The following SEH1L variants were observed in gnomAD, a reference collection of about 807,000 sequenced individuals.
SEH1L encodes the protein SEH1 like nucleoporin.
In SEH1L, 18 loss-of-function variants were observed where a neutral mutation model predicts 49.5. The ratio of observed to expected loss-of-function variants is 0.36; its 90% CI spans 0.25 to 0.54. The LOEUF is 0.54. SEH1L is among the 20% of genes least tolerant of loss of function. The probability of loss-of-function intolerance (pLI) is 0.87; values close to 1 mark genes in which losing one functional copy is unlikely to be tolerated. For missense variants in SEH1L, 404 were observed against 528.8 expected (o/e 0.76, Z 2.31); for synonymous variants, 169 against 178.1 (o/e 0.95, Z 0.41).
At chr18:12,961,013 G>A (rs1202912240) in intron 3 of SEH1L, among the ~76,000 whole-genome samples, 1 of 152,192 alleles carries the variant, frequency 6.6e-6, no homozygotes, top group Non-Finnish European at 1.5e-5. Context: ...CAAATGCATG[G>A]TTTGATCTTG....
chr18:12,953,114 G>C (rs946128800), intron 2 of SEH1L, among the ~76,000 whole-genome samples: 1 of 152,172 alleles, frequency 6.6e-6, no homozygotes, highest in Non-Finnish European at 1.5e-5. Context: ...TCATAGAAAT[G>C]GAATTTTGAA....
rs766968508 is a variant in SEH1L, at chr18:12,986,964, C to T, written c.1173C>T (p.Cys391=). ...PPPPPLVEHS[C]DADTANLQYP... ...CTCCTCCTCTGGTAGAGCACTCTTG[C>T]GATGCTGACACTGCCAACCTCCAGT... The change falls in exon 9 of 9, where the codon TGC becomes TGT. Residue 391 remains cysteine (C), a synonymous_variant. Coordinates refer to ENST00000399892, the MANE Select transcript of SEH1L (RefSeq NM_001013437.2). The T allele has an allele frequency of 4.1e-5, 66 of 1,613,898 alleles. No individual in the cohort carries two copies. Among genetic ancestry groups the T allele is most frequent in the Non-Finnish European group, 5.2e-5 (61 of 1,179,878 alleles).
Position 12,982,346 on chromosome 18 carries a change from A to C in SEH1L, c.762-172A>C, listed in dbSNP as rs540751016. ...AATGAAAATGACATTGGCCCAGCTC[A>C]AGGGCCAAGGTGTGGGGTTTGGGCA... On this transcript the variant is annotated intron_variant, in intron 6 of 8. Transcript: ENST00000399892. Among the ~76,000 whole-genome samples the C allele has an allele frequency of 2.0e-5, 3 of 152,146 alleles. No individual in the cohort carries two copies. The East Asian group carries it at 5.8e-4, about 29-fold the overall frequency.
intron 2 of SEH1L, 39 bp from the exon 3 acceptor site, chr18:12,955,424 G>C (rs202049745): frequency 1.4e-5 from 22 of 1,542,554 alleles, no homozygotes; most frequent in African/African-American, 3.2e-5. Context: ...CTGGGATAAT[G>C]AGTATCTGTT....
Position 12,986,856 on chromosome 18 carries a change from T to C in SEH1L, c.1071-6T>C, listed in dbSNP as rs1462969123. ...TGGTGTTTTGTTCCTGTCTTCATTG[T>C]TTCAGGTATTTCTTTACCCCTCTGG... is the stretch of plus-strand genomic sequence containing the variant. On this transcript the variant is annotated splice_region_variant and splice_polypyrimidine_tract_variant and intron_variant, in intron 8 of 8. Coordinates refer to ENST00000399892, the MANE Select transcript of SEH1L (RefSeq NM_001013437.2). The C allele has an allele frequency of 6.6e-7, 1 of 1,519,472 alleles. No homozygotes were observed. Among genetic ancestry groups the C allele is most frequent in the South Asian group, 1.3e-5 (1 of 78,644 alleles). The allele number at this position is 1,519,472 out of a possible 1,614,324, so 94.1% of individuals were successfully genotyped here.
intron 5 of SEH1L, chr18:12,971,462 G>A (rs547479094): frequency 7.1e-5 from 24 of 339,284 alleles, no homozygotes; most frequent in African/African-American, 3.0e-4. Flanking sequence ...GTGAAACCCC[G>A]TCTCTACTAA....
chr18:12,979,150 A>AG lies in SEH1L; in HGVS notation c.761+261dup, dbSNP rs1463315313. ...TGGCAGGGTCATAGGACAATAGTGGAGGGAAGGTCAGCAGATAAACAAGTG... is the reference window on the plus strand; with the variant it reads ...TGGCAGGGTCATAGGACAATAGTGGAGGGGAAGGTCAGCAGATAAACAAGTG... On this transcript the variant is annotated intron_variant, in intron 6 of 8. Coordinates refer to ENST00000399892, the MANE Select transcript of SEH1L (RefSeq NM_001013437.2). Among the ~76,000 whole-genome samples the AG allele has an allele frequency of 1.1e-4, 17 of 148,346 alleles. 1 individual carries two copies. Among genetic ancestry groups the AG allele is most frequent in the Non-Finnish European group, 2.1e-4 (14 of 67,376 alleles).
intron 4 of SEH1L, among the ~76,000 whole-genome samples, chr18:12,965,292 A>G (rs554661112): frequency 6.6e-5 from 10 of 152,300 alleles, no homozygotes; most frequent in South Asian, 2.1e-4. Context: ...GATTACAGGC[A>G]TGAGCCACCT....
Position 12,963,194 on chromosome 18 carries a change from C to G in SEH1L, c.344C>G (p.Ser115Cys). 1.2e-6 allele frequency: 2 copies of G among 1,613,596 alleles called. No individual in the cohort carries two copies. The highest frequency in any genetic ancestry group is 2.2e-5 in the South Asian group (2 of 91,056). The change falls in exon 4 of 9, where the codon TCT becomes TGT. Residue 115 changes from serine (S) to cysteine (C), a missense_variant. This residue lies in a region of SEH1L where 342 missense variants were observed against 430.8 expected (regional missense o/e 0.79). Coordinates refer to ENST00000399892, the MANE Select transcript of SEH1L (RefSeq NM_001013437.2). ...ACAACTCTGGTGGATAGCAGAACAT[C>G]TGTTACTGATGTGAAGTTTGCTCCC... Reference protein sequence around the residue: ...KRTTLVDSRTSVTDVKFAPKH... With the variant: ...KRTTLVDSRTCVTDVKFAPKH...
intron 6 of SEH1L, among the ~76,000 whole-genome samples, chr18:12,980,160 G>A (rs1287402476): frequency 5.4e-5 from 7 of 129,594 alleles, no homozygotes; most frequent in Admixed American, 4.4e-4. Context: ...AGGGGCGGCC[G>A]GGCAGAGGCA....
intron 1 of SEH1L, among the ~76,000 whole-genome samples, chr18:12,951,290 C>T (rs8099508): frequency 0.026 from 3,994 of 152,280 alleles, 151 homozygotes; most frequent in African/African-American, 0.09. Flanking sequence ...TTTAAAATGG[C>T]CTCCAAGCGT....
At chr18:12,986,536 GAT>G (rs959643414) in intron 8 of SEH1L, 2 of 967,372 alleles carry the variant, frequency 2.1e-6, no homozygotes, top group Non-Finnish European at 2.5e-6. Context: ...GTTTCTGAGA[GAT>G]TAGAAAATGT....
At chr18:12,967,097 A>C (rs894555187) in intron 4 of SEH1L, among the ~76,000 whole-genome samples, 1 of 152,250 alleles carries the variant, frequency 6.6e-6, no homozygotes, top group East Asian at 1.9e-4. Flanking sequence ...GCTGAATTAC[A>C]GTCAATTATC....
At position 12,987,439 on chromosome 18, in the gene SEH1L, A is replaced by G. The variant is rs372881524; in HGVS notation, c.*382A>G. The G allele has an allele frequency of 1.0e-4, 16 of 154,198 alleles. No homozygotes were observed. Among genetic ancestry groups the G allele is most frequent in the East Asian group, 3.7e-4 (2 of 5,416 alleles). 9.6% of individuals were successfully genotyped at this position (154,198 alleles called of 1,614,324 possible). A position where few individuals can be genotyped will look rare whatever the true frequency, so the allele number is the denominator to read the frequency against. ...AATATTATGAAGTTTATTCTGCCTT[A>G]TGAGACCTTAAAAAATGGATTTCAT... On this transcript the variant is annotated 3_prime_UTR_variant, in exon 9 of 9. Transcript: ENST00000399892.
At chr18:12,980,402 G>C (rs1199344449) in intron 6 of SEH1L, among the ~76,000 whole-genome samples, 1 of 95,566 alleles carries the variant, frequency 1.0e-5, no homozygotes, top group Admixed American at 9.1e-5. Flanking sequence ...CGGACGGGGC[G>C]GCTGGCCGGG....
Position 12,987,003 on chromosome 18 carries a change from C to A in SEH1L, c.1212C>A (p.Arg404=), listed in dbSNP as rs2032491355. Residue 404 remains arginine, a synonymous_variant, in exon 9 of 9, where the codon CGC becomes CGA. Coordinates refer to ENST00000399892, the MANE Select transcript of SEH1L (RefSeq NM_001013437.2). ...CCAACCTCCAGTATCCTCACCCTCG[C>A]AGACGATATCTCTCTCGGCCTCTTA... ...DTANLQYPHP[R]RRYLSRPLNP... 6.2e-7 allele frequency: 1 copy of A among 1,613,696 alleles called. No homozygotes were observed. Among genetic ancestry groups the A allele is most frequent in the Non-Finnish European group, 8.5e-7 (1 of 1,179,738 alleles).
At chr18:12,983,471 G>A (rs1453716919) in intron 7 of SEH1L, among the ~76,000 whole-genome samples, 1 of 152,058 alleles carries the variant, frequency 6.6e-6, no homozygotes, top group Non-Finnish European at 1.5e-5. Flanking sequence ...CTTTATTCAG[G>A]ACCACCTTGC....
At chr18:12,958,551 A>G (rs753499801) in intron 3 of SEH1L, among the ~76,000 whole-genome samples, 2 of 152,014 alleles carry the variant, frequency 1.3e-5, no homozygotes, top group Non-Finnish European at 2.9e-5. Context: ...CCCCTATTCA[A>G]CTGTCTGTCT....
chr18:12,949,069 C>T (rs2030324477), intron 1 of SEH1L, among the ~76,000 whole-genome samples: 1 of 151,754 alleles, frequency 6.6e-6, no homozygotes, highest in South Asian at 2.1e-4. Flanking sequence ...CCATGTGGGC[C>T]AGGCTGGTCT....
Sources: gnomAD v4.1 joint callset for allele counts (sites outside exome capture counted in the v4.1 genomes callset) on GRCh38, gnomAD v4.1.1 for gene constraint, gnomAD v4.1.1 regional missense constraint, MANE v1.5 for transcripts, NCBI Gene and HGNC (gene_info 2026-07-23, HGNC 2026-07-21) for gene names.